Variants in FGF12 observed in about 807,000 individuals in gnomAD.
FGF12 encodes the protein fibroblast growth factor 12, also known as fibroblast growth factor 12B.
FGF12 carries 14 observed loss-of-function variants against 23.6 expected under a neutral mutation model. The ratio of observed to expected loss-of-function variants is 0.59; its 90% confidence interval spans 0.39 to 0.93. FGF12 has a LOEUF of 0.93. FGF12 is among the 40% of genes least tolerant of loss of function. The pLI is 0.00. For missense variants in FGF12, 175 were observed against 217.8 expected (o/e 0.80, Z 1.24); for synonymous variants, 62 against 77.3 (o/e 0.80, Z 1.04).
At chr3:192,634,883 A>G (rs1177133397) in intron 2 of FGF12, among the ~76,000 whole-genome samples, 2 of 152,130 alleles carry the variant, frequency 1.3e-5, no homozygotes, top group Non-Finnish European at 2.9e-5. Context: ...TTTTTGCAAC[A>G]GAGTCTCACT....
chr3:192,644,618 A>G (rs2108668840), intron 2 of FGF12, among the ~76,000 whole-genome samples: 1 of 152,354 alleles, frequency 6.6e-6, no homozygotes, highest in East Asian at 1.9e-4. Context: ...TTAAGTAAAT[A>G]CTTATTGTAC....
intron 3 of FGF12, among the ~76,000 whole-genome samples, chr3:192,359,214 C>G: frequency 6.6e-6 from 1 of 152,130 alleles, no homozygotes; most frequent in East Asian, 1.9e-4. Context: ...ATAATAAGAT[C>G]TTTTATTTAT....
intron 3 of FGF12, among the ~76,000 whole-genome samples, chr3:192,344,489 CT>C (rs1717857375): frequency 6.6e-6 from 1 of 152,136 alleles, no homozygotes; most frequent in Non-Finnish European, 1.5e-5. Context: ...TGGTTCACTG[CT>C]TTAAGTATGA....
At chr3:192,277,800 T>C (rs1381345526) in intron 4 of FGF12, among the ~76,000 whole-genome samples, 1 of 152,196 alleles carries the variant, frequency 6.6e-6, no homozygotes, top group Non-Finnish European at 1.5e-5. Flanking sequence ...TCTCGCTCTG[T>C]CGCCCTGGCT....
intron 4 of FGF12, among the ~76,000 whole-genome samples, chr3:192,292,772 T>A (rs1714824410): frequency 6.6e-6 from 1 of 152,060 alleles, no homozygotes; most frequent in African/African-American, 2.4e-5. Flanking sequence ...AACAAGGGAC[T>A]TCTTATTTAT....
intron 2 of FGF12, among the ~76,000 whole-genome samples, chr3:192,534,748 A>T (rs1577041026): frequency 6.6e-6 from 1 of 152,166 alleles, no homozygotes; most frequent in Non-Finnish European, 1.5e-5. Flanking sequence ...TTTGTAGACA[A>T]TTAAGAGTGG....
At chr3:192,332,311 A>G (rs1221912839) in intron 4 of FGF12, among the ~76,000 whole-genome samples, 3 of 152,062 alleles carry the variant, frequency 2.0e-5, no homozygotes, top group African/African-American at 7.2e-5. Context: ...ACTAACCACT[A>G]CAGGAATAAA....
chr3:192,629,803 G>T (rs1715314667), intron 2 of FGF12, among the ~76,000 whole-genome samples: 1 of 152,192 alleles, frequency 6.6e-6, no homozygotes, highest in Admixed American at 6.5e-5. Flanking sequence ...ACCACGTGGA[G>T]TGCCTGTTCA....
intron 2 of FGF12, among the ~76,000 whole-genome samples, chr3:192,617,760 G>C (rs1423748343): frequency 3.3e-5 from 5 of 152,090 alleles, no homozygotes; most frequent in African/African-American, 9.7e-5. Flanking sequence ...TTTTAGTAGA[G>C]ATTATTGAGA....
At chr3:192,706,949 T>C (rs535627074) in intron 2 of FGF12, among the ~76,000 whole-genome samples, 1 of 152,134 alleles carries the variant, frequency 6.6e-6, no homozygotes, top group Non-Finnish European at 1.5e-5. Context: ...ACTAACCAGA[T>C]GAATAACCCA....
At chr3:192,567,742 TTTC>T (rs1712373842) in intron 2 of FGF12, among the ~76,000 whole-genome samples, 1 of 81,948 alleles carries the variant, frequency 1.2e-5, no homozygotes, top group African/African-American at 4.9e-5. Flanking sequence ...TGTCTCTTTC[TTTC>T]TTTCTTTCTT....
intron 2 of FGF12, among the ~76,000 whole-genome samples, chr3:192,465,827 C>T (rs373813735): frequency 5.9e-5 from 9 of 152,296 alleles, no homozygotes; most frequent in African/African-American, 2.2e-4. Flanking sequence ...AGAGCACCCT[C>T]AGTGCTCCCT....
At chr3:192,505,314 T>C (rs1215295291) in intron 2 of FGF12, among the ~76,000 whole-genome samples, 2 of 152,246 alleles carry the variant, frequency 1.3e-5, no homozygotes, top group Admixed American at 1.3e-4. Context: ...TCATTCCCGC[T>C]GCTTCAGAAG....
chr3:192,564,633 T>G (rs1297742891), intron 2 of FGF12, among the ~76,000 whole-genome samples: 1 of 152,200 alleles, frequency 6.6e-6, no homozygotes, highest in Admixed American at 6.5e-5. Flanking sequence ...GAAATCCAAG[T>G]GCAACAGAAA....
At chr3:192,402,335 G>A (rs1254451499) in intron 2 of FGF12, among the ~76,000 whole-genome samples, 1 of 152,216 alleles carries the variant, frequency 6.6e-6, no homozygotes, top group Non-Finnish European at 1.5e-5. Context: ...TCCGAGCCAG[G>A]AGCCTAAGCC....
chr3:192,494,085 T>C (rs1723879908), intron 2 of FGF12, among the ~76,000 whole-genome samples: 1 of 152,212 alleles, frequency 6.6e-6, no homozygotes, highest in South Asian at 2.1e-4. Context: ...CTTTCTGAAA[T>C]ACTTTCTACT....
intron 4 of FGF12, among the ~76,000 whole-genome samples, chr3:192,258,863 C>T (rs952381100): frequency 2.0e-5 from 3 of 152,130 alleles, no homozygotes; most frequent in South Asian, 2.1e-4. Context: ...GTCATCAATG[C>T]TTAGCAACTG....
intron 2 of FGF12, among the ~76,000 whole-genome samples, chr3:192,427,019 G>A (rs1200147670): frequency 6.6e-6 from 1 of 152,178 alleles, no homozygotes; most frequent in Admixed American, 6.5e-5. Flanking sequence ...ATGGCACGCA[G>A]TATGTGCTGA....
At chr3:192,520,208 G>T (rs1476704701) in intron 2 of FGF12, among the ~76,000 whole-genome samples, 1 of 152,146 alleles carries the variant, frequency 6.6e-6, no homozygotes, top group Non-Finnish European at 1.5e-5. Context: ...TTTTTAGATA[G>T]ATTCTGATAT....
Sources: allele counts gnomAD v4.1 joint callset (sites outside exome capture counted in the v4.1 genomes callset), GRCh38; gene constraint gnomAD v4.1.1; transcripts MANE v1.5; gene names NCBI Gene and HGNC (gene_info 2026-07-23, HGNC 2026-07-21).